Variants in ARHGAP10 observed in about 807,000 individuals in gnomAD.
ARHGAP10 encodes rho GTPase-activating protein 10.
In ARHGAP10, 87 loss-of-function variants were observed where a neutral mutation model predicts 108.6. The observed-to-expected ratio is 0.80, with a 90% CI of 0.67 to 0.96. The LOEUF is 0.96. Among genes scored for constraint, ARHGAP10 ranks in the 40% least tolerant of loss-of-function variants. The pLI is 0.00. For missense variants in ARHGAP10, 939 were observed against 954.5 expected, an observed-to-expected ratio of 0.98 and a Z score of 0.21; for synonymous variants, 347 against 341.1, an observed-to-expected ratio of 1.02 and a Z score of -0.19.
intron 1 of ARHGAP10, among the ~76,000 whole-genome samples, chr4:147,800,887 C>A (rs1422468569): frequency 6.6e-6 from 1 of 152,220 alleles, no homozygotes; most frequent in African/African-American, 2.4e-5. Flanking sequence ...TCTTGTCTCA[C>A]TGCAACCCAC....
chr4:147,963,611 A>C (rs1435973719), intron 16 of ARHGAP10, among the ~76,000 whole-genome samples: 11 of 152,196 alleles, frequency 7.2e-5, no homozygotes, highest in Admixed American at 7.2e-4. Flanking sequence ...GGGTTAAGGG[A>C]TTGTGTTTTC....
chr4:147,885,061 G>A (rs545796207), intron 10 of ARHGAP10, among the ~76,000 whole-genome samples: 1 of 152,086 alleles, frequency 6.6e-6, no homozygotes, highest in East Asian at 1.9e-4. Context: ...TAAACTGGAT[G>A]TTGCAGTAGA....
chr4:147,988,744 T>G (rs1179139950), intron 18 of ARHGAP10, among the ~76,000 whole-genome samples: 2 of 152,286 alleles, frequency 1.3e-5, no homozygotes, highest in South Asian at 2.1e-4. Flanking sequence ...TAGTGTTGAC[T>G]TTTCCCCCAC....
At chr4:147,761,729 T>G (rs1379088086) in intron 1 of ARHGAP10, among the ~76,000 whole-genome samples, 4 of 152,230 alleles carry the variant, frequency 2.6e-5, no homozygotes, top group African/African-American at 9.6e-5. Context: ...CCATTTGGAA[T>G]ATACGGGCTA....
chr4:147,942,729 C>T (rs1458493406), intron 14 of ARHGAP10, among the ~76,000 whole-genome samples: 1 of 152,172 alleles, frequency 6.6e-6, no homozygotes, highest in Non-Finnish European at 1.5e-5. Context: ...TTATTCTCCT[C>T]GAGGCCAGGT....
At chr4:148,056,232 C>T (rs1191285168) in intron 20 of ARHGAP10, among the ~76,000 whole-genome samples, 1 of 152,168 alleles carries the variant, frequency 6.6e-6, no homozygotes, top group Non-Finnish European at 1.5e-5. Context: ...TCTTAAAACC[C>T]AGCTTTAGGA....
chr4:147,886,502 C>T (rs187122210), intron 10 of ARHGAP10, among the ~76,000 whole-genome samples: 109 of 152,338 alleles, frequency 7.2e-4, no homozygotes, highest in African/African-American at 2.6e-3. Context: ...GCCCTACAGT[C>T]TGTTGTTCGT....
intron 1 of ARHGAP10, among the ~76,000 whole-genome samples, chr4:147,782,915 AT>A (rs1298597378): frequency 7.0e-6 from 1 of 143,386 alleles, no homozygotes; most frequent in African/African-American, 2.5e-5. Context: ...TATATAATAT[AT>A]AAATTATATA....
At chr4:147,825,913 C>T (rs1272986963) in intron 3 of ARHGAP10, among the ~76,000 whole-genome samples, 1 of 152,200 alleles carries the variant, frequency 6.6e-6, no homozygotes, top group African/African-American at 2.4e-5. Context: ...AAGCAAAAGT[C>T]TCTGCCTTCA....
intron 19 of ARHGAP10, among the ~76,000 whole-genome samples, chr4:148,030,815 C>T (rs181956257): frequency 6.6e-6 from 1 of 151,946 alleles, no homozygotes; most frequent in Non-Finnish European, 1.5e-5. Context: ...CCTTTGTGCC[C>T]TCCTAGGCTG....
intron 20 of ARHGAP10, among the ~76,000 whole-genome samples, chr4:148,062,781 G>A (rs541594743): frequency 6.6e-6 from 1 of 152,266 alleles, no homozygotes; most frequent in African/African-American, 2.4e-5. Context: ...TGTGCTTGAT[G>A]CTAGATTCCT....
chr4:147,971,015 C>T (rs1578745860), intron 18 of ARHGAP10, among the ~76,000 whole-genome samples: 1 of 150,854 alleles, frequency 6.6e-6, no homozygotes, highest in African/African-American at 2.5e-5. Context: ...ATTGCTTGAA[C>T]CCAGGAGGTG....
chr4:147,775,207 C>T (rs1045815985), intron 1 of ARHGAP10, among the ~76,000 whole-genome samples: 3 of 152,306 alleles, frequency 2.0e-5, no homozygotes, highest in Non-Finnish European at 4.4e-5. Flanking sequence ...GCCACCGCAC[C>T]GGCCTGATGG....
chr4:147,783,700 A>G lies in ARHGAP10; in HGVS notation c.155-39027A>G, dbSNP rs2654954. 7.1e-3 allele frequency among the ~76,000 whole-genome samples: 855 copies of G among 119,866 alleles called. 12 individuals carry two copies. The highest frequency in any genetic ancestry group is 0.024 in the African/African-American group (541 of 22,898). The allele number at this position is 119,866 out of a possible 152,430, so 78.6% of individuals were successfully genotyped here. A position where few individuals can be genotyped will look rare whatever the true frequency, so the allele number is the denominator to read the frequency against. ...TATAATTTATAGAACACATTAAATT[A>G]TGTATTGTATAATTTATAGAACACA... On this transcript the variant is annotated intron_variant, in intron 1 of 22. Transcript: ENST00000336498.
chr4:147,933,881 A>C (rs958712362), intron 13 of ARHGAP10, among the ~76,000 whole-genome samples: 4 of 152,138 alleles, frequency 2.6e-5, no homozygotes, highest in African/African-American at 9.7e-5. Context: ...GTAGGTCTCA[A>C]CATGAGATTG....
At chr4:147,817,884 C>A (rs1297648912) in intron 1 of ARHGAP10, among the ~76,000 whole-genome samples, 1 of 152,162 alleles carries the variant, frequency 6.6e-6, no homozygotes, top group Non-Finnish European at 1.5e-5. Context: ...CATGGAGTTA[C>A]AAATAAATGA....
Position 148,028,831 on chromosome 4 carries a change from G to A in ARHGAP10, c.1867+5418G>A, listed in dbSNP as rs545327475. On this transcript the variant is annotated intron_variant, in intron 19 of 22. Transcript: ENST00000336498. ...TCTGGGAGAGATGTTAAAGCAAATC[G>A]GGGACTTCTCAACTGACTAGATGGA... is the stretch of plus-strand genomic sequence containing the variant. 3.3e-4 allele frequency among the ~76,000 whole-genome samples: 51 copies of A among 152,274 alleles called. No homozygotes were observed. The South Asian group carries it at 0.01, about 31-fold the overall frequency.
intron 1 of ARHGAP10, among the ~76,000 whole-genome samples, chr4:147,736,323 A>G (rs968443589): frequency 6.6e-6 from 1 of 152,234 alleles, no homozygotes; most frequent in African/African-American, 2.4e-5. Flanking sequence ...TCCTCTTAGG[A>G]AAAACATAAA....
chr4:147,794,853 A>G (rs1403279048), intron 1 of ARHGAP10, among the ~76,000 whole-genome samples: 2 of 152,180 alleles, frequency 1.3e-5, no homozygotes, highest in African/African-American at 4.8e-5. Flanking sequence ...TCTATCATGT[A>G]AGTATAGGAC....
Sources: allele counts gnomAD v4.1 joint callset (sites outside exome capture counted in the v4.1 genomes callset), GRCh38; gene constraint gnomAD v4.1.1; transcripts MANE v1.5; gene names NCBI Gene and HGNC (gene_info 2026-07-23, HGNC 2026-07-21).